Variants in WDR27 observed in about 807,000 individuals in gnomAD.
The protein encoded by WDR27 is WD repeat domain 27, also known as WD repeat-containing protein 27.
A neutral mutation model predicts 114.4 loss-of-function variants in WDR27; 100 were observed. The observed-to-expected ratio is 0.87, with a 90% CI of 0.74 to 1.03. WDR27 has a LOEUF of 1.03. Ranked by LOEUF, WDR27 falls within the 50% of genes least tolerant of loss-of-function variation. WDR27 has a pLI of 0.00. For synonymous variants in WDR27, 449 were observed against 423.1 expected, an observed-to-expected ratio of 1.06 and a Z score of -0.75; for missense variants, 1,129 against 1,092.9, an observed-to-expected ratio of 1.03 and a Z score of -0.47.
At chr6:169,694,074 C>T (rs1314406080) in intron 1 of WDR27, among the ~76,000 whole-genome samples, 2 of 152,140 alleles carry the variant, frequency 1.3e-5, no homozygotes, top group African/African-American at 4.8e-5. Context: ...CTTTGGGAGG[C>T]CGAGGTGGGC....
chr6:169,570,039 T>C (rs982240870), intron 25 of WDR27, among the ~76,000 whole-genome samples: 12 of 152,188 alleles, frequency 7.9e-5, no homozygotes, highest in African/African-American at 2.9e-4. Context: ...AGAACCCTGA[T>C]GCCATCACAT....
At chr6:169,605,595 T>TA (rs35496118) in intron 22 of WDR27, among the ~76,000 whole-genome samples, 134,519 of 145,292 alleles carry the variant, frequency 0.93, 62,359 homozygotes, top group East Asian at 0.98. Flanking sequence ...TTTTTTACAT[T>TA]AAAAAAAAAA....
intron 21 of WDR27, among the ~76,000 whole-genome samples, chr6:169,629,323 G>GA (rs1369386395): frequency 2.6e-5 from 4 of 151,852 alleles, no homozygotes; most frequent in South Asian, 4.2e-4. Flanking sequence ...GAACTAAATT[G>GA]AAAAAAAATC....
At chr6:169,637,242 C>T (rs902634196) in intron 18 of WDR27, among the ~76,000 whole-genome samples, 8 of 152,200 alleles carry the variant, frequency 5.3e-5, no homozygotes, top group Non-Finnish European at 1.2e-4. Flanking sequence ...CAAGTCACTC[C>T]TCTCCCTAAA....
At chr6:169,492,838 G>A (rs1789945456) in intron 25 of WDR27, among the ~76,000 whole-genome samples, 1 of 151,966 alleles carries the variant, frequency 6.6e-6, no homozygotes, top group South Asian at 2.1e-4. Flanking sequence ...TACTACATAA[G>A]CCACTTAAGA....
chr6:169,449,472 G>A, the WDR27 span, among the ~76,000 whole-genome samples: 5 of 152,132 alleles, frequency 3.3e-5, no homozygotes, highest in African/African-American at 1.2e-4. Flanking sequence ...TGCCTCCAAC[G>A]TGGGAAGGGG....
In WDR27 at chr6:169,572,164, T is replaced by G. The variant is rs180938467; in HGVS notation, c.2645+255A>C. On this transcript the variant is annotated intron_variant, in intron 25 of 25. Transcript: ENST00000448612. Reference sequence around the variant, plus strand: ...CAAAGATGAAAATTTTAGTTTTAAATTAAAAGCTACAGCAATCATTAGGTA... The same window carrying G: ...CAAAGATGAAAATTTTAGTTTTAAAGTAAAAGCTACAGCAATCATTAGGTA... Among the ~76,000 whole-genome samples the G allele has an allele frequency of 5.9e-5, 9 of 152,270 alleles. No individual in the cohort carries two copies. The East Asian group carries it at 1.7e-3, about 29-fold the overall frequency.
At chr6:169,598,806 T>G in intron 23 of WDR27, among the ~76,000 whole-genome samples, 1 of 152,226 alleles carries the variant, frequency 6.6e-6, no homozygotes, top group East Asian at 1.9e-4. Flanking sequence ...CTCAGACTTC[T>G]GGCCTCCAGA....
intron 17 of WDR27, among the ~76,000 whole-genome samples, chr6:169,641,116 C>T (rs1819039520): frequency 6.6e-6 from 1 of 152,236 alleles, no homozygotes; most frequent in South Asian, 2.1e-4. Context: ...CCACCTTCTG[C>T]TCAGCCCCGA....
intron 25 of WDR27, among the ~76,000 whole-genome samples, chr6:169,518,655 T>C (rs951533101): frequency 6.6e-6 from 1 of 152,228 alleles, no homozygotes; most frequent in African/African-American, 2.4e-5. Flanking sequence ...GCCTCTTAGA[T>C]CTCTGAAATG....
At chr6:169,611,548 C>G (rs142282549) in intron 22 of WDR27, among the ~76,000 whole-genome samples, 69 of 152,050 alleles carry the variant, frequency 4.5e-4, no homozygotes, top group Non-Finnish European at 9.0e-4. Flanking sequence ...TCAGGTGATC[C>G]GCCCACCTCG....
chr6:169,632,976 G>T lies in WDR27; in HGVS notation c.2194C>A (p.Arg732=). ...SAAVIAEAHS[R]PVHQICQNKG... ...TTTTGGCAGATTTGATGGACAGGCC[G>T]TGAGTGGGCTTCCGCTATCACCGCT... The change falls in exon 21 of 26, where the codon CGG becomes AGG. Residue 732 remains arginine, a synonymous_variant. Coordinates refer to ENST00000448612, the MANE Select transcript of WDR27 (RefSeq NM_182552.5). 1 of 1,594,132 alleles carries T rather than the reference G, an allele frequency of 6.3e-7. No individual in the cohort carries two copies. The highest frequency in any genetic ancestry group is 8.6e-7 in the Non-Finnish European group (1 of 1,164,236).
intron 1 of WDR27, among the ~76,000 whole-genome samples, chr6:169,690,274 G>A (rs1784145828): frequency 6.6e-6 from 1 of 152,218 alleles, no homozygotes; most frequent in Admixed American, 6.5e-5. Context: ...TGGTCACGTG[G>A]ATTCGAAAAA....
chr6:169,697,377 G>A (rs945671829), intron 1 of WDR27, among the ~76,000 whole-genome samples: 7 of 152,082 alleles, frequency 4.6e-5, no homozygotes, highest in Admixed American at 1.3e-4. Context: ...GAGGTCTAGC[G>A]GTAGCCTCAG....
At chr6:169,536,712 C>A (rs532632199) in intron 25 of WDR27, among the ~76,000 whole-genome samples, 1 of 152,126 alleles carries the variant, frequency 6.6e-6, no homozygotes, top group African/African-American at 2.4e-5. Context: ...AAGTCAGACA[C>A]AAACCAGAAA....
intron 17 of WDR27, among the ~76,000 whole-genome samples, chr6:169,642,302 T>TCCCCCCCCC (rs59470895): frequency 6.6e-6 from 1 of 150,820 alleles, no homozygotes; most frequent in Admixed American, 6.7e-5. Flanking sequence ...ATGTGGCCCT[T>TCCCCCCCCC]CCCCCCCGCC....
chr6:169,519,435 G>A (rs1794083502), intron 25 of WDR27, among the ~76,000 whole-genome samples: 3 of 152,180 alleles, frequency 2.0e-5, no homozygotes, highest in Admixed American at 1.3e-4. Flanking sequence ...TGGCTCCTGA[G>A]GAGGACTCAG....
chr6:169,586,144 G>C (rs1241278848), intron 23 of WDR27, among the ~76,000 whole-genome samples: 5 of 152,106 alleles, frequency 3.3e-5, no homozygotes, highest in African/African-American at 4.8e-5. Flanking sequence ...CCTCTGGTGT[G>C]GTGTCTGTTA....
At chr6:169,675,714 C>T (rs117842263) in intron 2 of WDR27, among the ~76,000 whole-genome samples, 60 of 152,116 alleles carry the variant, frequency 3.9e-4, no homozygotes, top group South Asian at 2.3e-3. Context: ...GATCTGAGAT[C>T]GATAGGAATA....
Sources: allele counts gnomAD v4.1 joint callset (sites outside exome capture counted in the v4.1 genomes callset), GRCh38; gene constraint gnomAD v4.1.1; transcripts MANE v1.5; gene names NCBI Gene and HGNC (gene_info 2026-07-23, HGNC 2026-07-21).